Variants in NYAP2 observed in about 807,000 individuals in gnomAD.
NYAP2 encodes the protein neuronal tyrosine-phosphorylated phosphoinositide-3-kinase adaptor 2, also known as neuronal tyrosine-phosphorylated phosphoinositide-3-kinase adapter 2.
A neutral mutation model predicts 50.4 loss-of-function variants in NYAP2; 23 were observed. The observed-to-expected ratio is 0.46, with a 90% CI of 0.33 to 0.65. The LOEUF is 0.65. Among genes scored for constraint, NYAP2 ranks in the 30% least tolerant of loss-of-function variants. The probability of loss-of-function intolerance (pLI) is 0.02; values close to 1 mark genes in which losing one functional copy is unlikely to be tolerated. For missense variants in NYAP2, 885 were observed against 861.0 expected, an observed-to-expected ratio of 1.03 and a Z score of -0.35; for synonymous variants, 394 against 365.2, an observed-to-expected ratio of 1.08 and a Z score of -0.90.
intron 3 of NYAP2, among the ~76,000 whole-genome samples, chr2:225,459,968 A>G (rs149185088): frequency 0.018 from 2,747 of 152,270 alleles, 94 homozygotes; most frequent in African/African-American, 0.063. Flanking sequence ...CACAGCGCCC[A>G]GCCTCTATTG....
At chr2:225,564,947 T>C (rs1164660295) in intron 4 of NYAP2, among the ~76,000 whole-genome samples, 2 of 152,002 alleles carry the variant, frequency 1.3e-5, no homozygotes, top group Non-Finnish European at 2.9e-5. Context: ...CTGGGCAACA[T>C]GGTGAAACCC....
intron 4 of NYAP2, among the ~76,000 whole-genome samples, chr2:225,550,632 T>C (rs944367923): frequency 5.3e-5 from 8 of 152,084 alleles, no homozygotes; most frequent in African/African-American, 1.9e-4. Context: ...AATGTATATA[T>C]AAAAACATTC....
At chr2:225,435,738 T>G (rs1473707986) in intron 3 of NYAP2, among the ~76,000 whole-genome samples, 2 of 152,240 alleles carry the variant, frequency 1.3e-5, no homozygotes, top group African/African-American at 4.8e-5. Context: ...TATTTCTCAG[T>G]CATATTTATG....
At chr2:225,683,962 T>C in the NYAP2 span, among the ~76,000 whole-genome samples, 3 of 152,168 alleles carry the variant, frequency 2.0e-5, no homozygotes, top group African/African-American at 4.8e-5. Flanking sequence ...TTTGAGGAAG[T>C]CCAATTATGA....
chr2:225,634,236 G>A (rs897851813), intron 6 of NYAP2, among the ~76,000 whole-genome samples: 4 of 152,212 alleles, frequency 2.6e-5, no homozygotes, highest in Admixed American at 2.6e-4. Flanking sequence ...AACTGGCAGA[G>A]AAGTTGGGTG....
the NYAP2 span, among the ~76,000 whole-genome samples, chr2:225,688,243 A>C: frequency 6.6e-6 from 1 of 152,200 alleles, no homozygotes; most frequent in Non-Finnish European, 1.5e-5. Flanking sequence ...CCTGGGGTTT[A>C]TAAAGCCCAG....
At chr2:225,411,467 G>A (rs1370596898) in intron 3 of NYAP2, among the ~76,000 whole-genome samples, 1 of 152,136 alleles carries the variant, frequency 6.6e-6, no homozygotes, top group Non-Finnish European at 1.5e-5. Flanking sequence ...CCTTTTAAAT[G>A]TCCAAGTGGA....
At chr2:225,679,495 T>TG in the NYAP2 span, among the ~76,000 whole-genome samples, 2 of 136,568 alleles carry the variant, frequency 1.5e-5, no homozygotes, top group Admixed American at 7.2e-5. Context: ...TTCTAATTGT[T>TG]TTTTTTTTTT....
chr2:225,441,384 C>T (rs944363748), intron 3 of NYAP2, among the ~76,000 whole-genome samples: 6 of 152,182 alleles, frequency 3.9e-5, no homozygotes, highest in African/African-American at 1.4e-4. Context: ...ACATAAGAGA[C>T]AGTTTCCAAA....
chr2:225,434,921 A>G (rs1386468461), intron 3 of NYAP2, among the ~76,000 whole-genome samples: 1 of 152,230 alleles, frequency 6.6e-6, no homozygotes, highest in Non-Finnish European at 1.5e-5. Flanking sequence ...GAATACCTCA[A>G]TGCTGAATTA....
chr2:225,662,548 C>A, the NYAP2 span, among the ~76,000 whole-genome samples: 1 of 152,238 alleles, frequency 6.6e-6, no homozygotes, highest in Non-Finnish European at 1.5e-5. Flanking sequence ...AGGGGGGAAC[C>A]CCAACTGTAC....
At chr2:225,616,368 G>C (rs537709302) in intron 5 of NYAP2, among the ~76,000 whole-genome samples, 1 of 152,184 alleles carries the variant, frequency 6.6e-6, no homozygotes, top group African/African-American at 2.4e-5. Context: ...GGAGGCACAG[G>C]GCCTTTGCCC....
At chr2:225,580,059 A>C (rs993326770) in intron 4 of NYAP2, among the ~76,000 whole-genome samples, 2 of 152,120 alleles carry the variant, frequency 1.3e-5, no homozygotes, top group Non-Finnish European at 2.9e-5. Flanking sequence ...TTCAATTCCT[A>C]TAACTCAATA....
chr2:225,482,206 A>G (rs541244303), intron 3 of NYAP2, among the ~76,000 whole-genome samples: 106 of 152,282 alleles, frequency 7.0e-4, no homozygotes, highest in African/African-American at 2.3e-3. Context: ...AGAAAGCTCC[A>G]TTAAAGTTTT....
chr2:225,598,265 C>A (rs1225163582), intron 5 of NYAP2, among the ~76,000 whole-genome samples: 3 of 151,984 alleles, frequency 2.0e-5, no homozygotes, highest in African/African-American at 7.3e-5. Flanking sequence ...GAAGAAAAAG[C>A]TTCAATATCA....
chr2:225,679,120 T>C, the NYAP2 span, among the ~76,000 whole-genome samples: 2 of 152,142 alleles, frequency 1.3e-5, no homozygotes, highest in Non-Finnish European at 2.9e-5. Context: ...AAAATGTAGC[T>C]TAATAAGTAT....
At chr2:225,609,617 C>T (rs558102732) in intron 5 of NYAP2, among the ~76,000 whole-genome samples, 12 of 152,056 alleles carry the variant, frequency 7.9e-5, no homozygotes, top group Non-Finnish European at 8.8e-5. Context: ...TTCATGGACT[C>T]CTTGTCCCAT....
the NYAP2 span, among the ~76,000 whole-genome samples, chr2:225,687,917 G>A: frequency 6.6e-6 from 1 of 152,144 alleles, no homozygotes; most frequent in Non-Finnish European, 1.5e-5. Flanking sequence ...AAAATGTGGT[G>A]CTCAGCCTAT....
intron 5 of NYAP2, among the ~76,000 whole-genome samples, chr2:225,603,095 A>AT (rs1201180248): frequency 1.3e-5 from 2 of 152,104 alleles, no homozygotes; most frequent in Non-Finnish European, 2.9e-5. Flanking sequence ...ATTTACTGAA[A>AT]TTTTTTTAGC....
Sources: allele counts gnomAD v4.1 joint callset (sites outside exome capture counted in the v4.1 genomes callset), GRCh38; gene constraint gnomAD v4.1.1; transcripts MANE v1.5; gene names NCBI Gene and HGNC (gene_info 2026-07-23, HGNC 2026-07-21).